The following PLAGL1 variants were observed in gnomAD, a reference collection of about 807,000 sequenced individuals.
The protein encoded by PLAGL1 is zinc finger protein PLAGL1.
PLAGL1 carries 1 observed loss-of-function variant against 4.6 expected under a neutral mutation model. That is an observed-to-expected ratio of 0.22 (90% CI 0.08 to 1.03). The LOEUF is 1.03. Among genes scored for constraint, PLAGL1 ranks in the 50% least tolerant of loss-of-function variants. PLAGL1 has a pLI of 0.58. For missense variants in PLAGL1, 464 were observed against 570.4 expected, an observed-to-expected ratio of 0.81 and a Z score of 1.90; for synonymous variants, 240 against 237.8, an observed-to-expected ratio of 1.01 and a Z score of -0.08.
intron 1 of PLAGL1, among the ~76,000 whole-genome samples, chr6:144,026,146 T>G (rs2128702996): frequency 6.6e-6 from 1 of 152,312 alleles, no homozygotes; most frequent in South Asian, 2.1e-4. Context: ...AGAATCCAAC[T>G]TATATAATAA....
chr6:143,996,806 A>G (rs147778948), intron 1 of PLAGL1, among the ~76,000 whole-genome samples: 48 of 152,274 alleles, frequency 3.2e-4, no homozygotes, highest in African/African-American at 9.6e-4. Flanking sequence ...AAATTCCTCA[A>G]AAGATTCTAG....
chr6:143,946,103 C>A (rs1337011205), intron 7 of PLAGL1, among the ~76,000 whole-genome samples: 1 of 152,216 alleles, frequency 6.6e-6, no homozygotes, highest in African/African-American at 2.4e-5. Flanking sequence ...GTCCTGCGGT[C>A]CACCCTGTGG....
In PLAGL1 at chr6:143,942,132, G is replaced by A. The variant is rs900776207; in HGVS notation, c.684C>T (p.Ile228=). 1.2e-6 allele frequency: 2 copies of A among 1,614,218 alleles called. No individual in the cohort carries two copies. The highest frequency in any genetic ancestry group is 1.7e-6 in the Non-Finnish European group (2 of 1,180,030). The change falls in exon 8 of 8, where the codon ATC becomes ATT. Residue 228 remains isoleucine (I), a synonymous_variant. Transcript: ENST00000674357. The surrounding 1 kb of genome is among the most constrained non-coding windows in gnomAD (Gnocchi z 7.6). ...CAGCCTTCAGTTGGAATGAAGGCGA[G>A]ATGGTGTGGAAGGTGCTCAGAAGGT... ...TGDLLSTFHT[I]SPSFQLKAAA...
chr6:143,946,279 C>T (rs1254118619), intron 7 of PLAGL1, among the ~76,000 whole-genome samples: 2 of 152,242 alleles, frequency 1.3e-5, no homozygotes, highest in Non-Finnish European at 2.9e-5. Flanking sequence ...TAGTTCTACT[C>T]CACTAATTCT....
chr6:143,980,385 CT>C (rs1341195552), intron 2 of PLAGL1, among the ~76,000 whole-genome samples: 1 of 121,866 alleles, frequency 8.2e-6, no homozygotes, highest in Non-Finnish European at 1.7e-5. Flanking sequence ...TCACTTTTTT[CT>C]AGTTTTTTTT....
At chr6:144,062,392 AAGAG>A (rs1249593993) in intron 1 of PLAGL1, among the ~76,000 whole-genome samples, 69 of 151,564 alleles carry the variant, frequency 4.6e-4, no homozygotes, top group African/African-American at 1.5e-3. Flanking sequence ...AAAAAAAAAA[AAGAG>A]AGAGACATCA....
intron 1 of PLAGL1, chr6:144,037,703 T>TGTA (rs1554279579): frequency 2.0e-5 from 3 of 151,814 alleles, no homozygotes; most frequent in African/African-American, 7.3e-5. Flanking sequence ...CATTATGAAC[T>TGTA]ATGTTTTTTA....
At chr6:144,017,389 A>C (rs140349421) in intron 1 of PLAGL1, among the ~76,000 whole-genome samples, 1 of 152,234 alleles carries the variant, frequency 6.6e-6, no homozygotes, top group East Asian at 1.9e-4. Context: ...TTCCCCAACA[A>C]GGGCTCCCAT....
chr6:143,957,730 A>G lies in PLAGL1; in HGVS notation c.-325+2739T>C, dbSNP rs1365060555. Among the ~76,000 whole-genome samples the G allele has an allele frequency of 1.3e-5, 2 of 152,202 alleles. No homozygotes were observed. The highest frequency in any genetic ancestry group is 4.8e-5 in the African/African-American group (2 of 41,464). On this transcript the variant is annotated intron_variant, in intron 6 of 7. Transcript: ENST00000674357. This position sits in a 1 kb window ranked among gnomAD's most constrained non-coding sequence, Gnocchi z 4.2. Reference sequence around the variant, plus strand: ...TGGTTTGTGAGTGAAAATCACCGGAATGACCTTGAAGGATCTGAGATCTAG... The same window carrying G: ...TGGTTTGTGAGTGAAAATCACCGGAGTGACCTTGAAGGATCTGAGATCTAG...
chr6:144,052,120 A>C (rs1236018306), intron 1 of PLAGL1, among the ~76,000 whole-genome samples: 1 of 152,236 alleles, frequency 6.6e-6, no homozygotes, highest in Non-Finnish European at 1.5e-5. Flanking sequence ...TTTTAATGAC[A>C]TGATCCTAGG....
In PLAGL1 at chr6:144,004,543, T is replaced by C. The variant is rs934864900; in HGVS notation, c.-584+3547A>G. ...GAAGTTTAAAAACATTTGAAAATAA[T>C]ACATGGTCATAGAAATCGGGACAGT... On this transcript the variant is annotated intron_variant, in intron 1 of 7. Coordinates refer to ENST00000674357, the MANE Select transcript of PLAGL1 (RefSeq NM_001317162.2). This position sits in a 1 kb window ranked among gnomAD's most constrained non-coding sequence, Gnocchi z 4.2. Among the ~76,000 whole-genome samples, 4 of 152,198 alleles carry C rather than the reference T, an allele frequency of 2.6e-5. No individual in the cohort carries two copies. The highest frequency in any genetic ancestry group is 9.6e-5 in the African/African-American group (4 of 41,454).
rs1321528510 is a variant in PLAGL1, at chr6:144,039,444, G to C, written c.-151+25024C>G. Among the ~76,000 whole-genome samples the C allele has an allele frequency of 3.3e-5, 5 of 152,036 alleles. No individual in the cohort carries two copies. Among genetic ancestry groups the C allele is most frequent in the Non-Finnish European group, 7.4e-5 (5 of 68,000 alleles). On this transcript the variant is annotated intron_variant, in intron 1 of 3. Transcript: ENST00000437412. This position sits in a 1 kb window ranked among gnomAD's most constrained non-coding sequence, Gnocchi z 4.1. ...TACAAAAAAATACAAAAATTAGCTG[G>C]GCATGTTGGCACATGCTTGTAATCC...
At chr6:144,003,161 G>C (rs941229160) in intron 1 of PLAGL1, among the ~76,000 whole-genome samples, 3 of 152,120 alleles carry the variant, frequency 2.0e-5, no homozygotes, top group Non-Finnish European at 4.4e-5. Flanking sequence ...AATGGGAAAA[G>C]AAAGGTGTTG....
chr6:144,001,926 AGATTGGAGTAAAC>A (rs1418813000), intron 1 of PLAGL1, among the ~76,000 whole-genome samples: 2 of 152,180 alleles, frequency 1.3e-5, no homozygotes. Context: ...AAACTGTCAC[AGATTGGAGTAAAC>A]GAGGGAGGCA....
In PLAGL1 at chr6:143,954,114, G is replaced by A. The variant is rs1425351360; in HGVS notation, c.-324-5654C>T. On this transcript the variant is annotated intron_variant, in intron 6 of 7. Transcript: ENST00000674357. This position sits in a 1 kb window ranked among gnomAD's most constrained non-coding sequence, Gnocchi z 5.1. Reference sequence around the variant, plus strand: ...AAAGAGCAAACCATAAGGACAAAGGGGGTTTCCTCCAGGGGTCGCCACCTT... The same window carrying A: ...AAAGAGCAAACCATAAGGACAAAGGAGGTTTCCTCCAGGGGTCGCCACCTT... Among the ~76,000 whole-genome samples, 1 of 152,120 alleles carries A rather than the reference G, an allele frequency of 6.6e-6. No individual in the cohort carries two copies. The highest frequency in any genetic ancestry group is 1.9e-4 in the East Asian group (1 of 5,186).
Position 144,045,408 on chromosome 6 carries a change from T to C in PLAGL1, c.-151+19060A>G, listed in dbSNP as rs1355061037. 3.9e-5 allele frequency among the ~76,000 whole-genome samples: 6 copies of C among 152,292 alleles called. No homozygotes were observed. The East Asian group carries it at 1.2e-3, about 29-fold the overall frequency. Reference sequence around the variant, plus strand: ...TGACAAAAATCTCTCAGCATTTGCTTGTCTGTAAAGGATTTTATTTCTCCT... The same window carrying C: ...TGACAAAAATCTCTCAGCATTTGCTCGTCTGTAAAGGATTTTATTTCTCCT... On this transcript the variant is annotated intron_variant, in intron 1 of 3. Transcript: ENST00000437412.
chr6:143,978,353 T>C lies in PLAGL1; in HGVS notation c.-544+6782A>G, dbSNP rs1787178796. Among the ~76,000 whole-genome samples the C allele has an allele frequency of 6.6e-6, 1 of 152,188 alleles. No individual in the cohort carries two copies. The highest frequency in any genetic ancestry group is 1.5e-5 in the Non-Finnish European group (1 of 68,012). On this transcript the variant is annotated intron_variant, in intron 2 of 7. Coordinates refer to ENST00000674357, the MANE Select transcript of PLAGL1 (RefSeq NM_001317162.2). The surrounding 1 kb of genome is among the most constrained non-coding windows in gnomAD (Gnocchi z 4.6). ...AGCACTGTTTCAGCTGTATCCCACATGGTTTCATAAACTGTATTTTCATTA... is the reference window on the plus strand; with the variant it reads ...AGCACTGTTTCAGCTGTATCCCACACGGTTTCATAAACTGTATTTTCATTA...
intron 1 of PLAGL1, among the ~76,000 whole-genome samples, chr6:144,023,036 G>A (rs1008185917): frequency 2.0e-5 from 3 of 152,206 alleles, no homozygotes; most frequent in South Asian, 4.1e-4. Context: ...TCCATAATGT[G>A]GAATATTATT....
chr6:144,030,819 T>C lies in PLAGL1; in HGVS notation c.-151+33649A>G, dbSNP rs1382962376. Among the ~76,000 whole-genome samples the C allele has an allele frequency of 2.0e-5, 3 of 152,256 alleles. No homozygotes were observed. In the South Asian group the frequency reaches 6.2e-4, roughly 32 times the overall value. On this transcript the variant is annotated intron_variant, in intron 1 of 3. Coordinates refer to the PLAGL1 transcript ENST00000437412. ...AAACATGAGTGTGCAAGTATCTTTA[T>C]CGTATAATGACTTCTTTTCCTCTGG...
Sources: gnomAD v4.1 joint callset for allele counts (sites outside exome capture counted in the v4.1 genomes callset) on GRCh38, gnomAD v4.1.1 for gene constraint, Gnocchi (gnomAD v3.1) non-coding constraint, MANE v1.5 for transcripts, NCBI Gene and HGNC (gene_info 2026-07-23, HGNC 2026-07-21) for gene names.